Variants in FHIT observed in about 807,000 individuals in gnomAD.
The protein encoded by FHIT is bis(5'-adenosyl)-triphosphatase.
Under a neutral mutation model 17.9 loss-of-function variants are expected in FHIT, and 19 were observed. The observed-to-expected ratio is 1.06, with a 90% CI of 0.74 to 1.56. The LOEUF (loss-of-function observed/expected upper bound fraction) is 1.56. Among genes scored for constraint, FHIT ranks in the 40% most tolerant of loss-of-function variants. The probability of loss-of-function intolerance (pLI) is 0.00; values close to 1 mark genes in which losing one functional copy is unlikely to be tolerated. For synonymous variants in FHIT, 81 were observed against 69.7 expected (o/e 1.16, Z -0.81); for missense variants, 248 against 189.2 (o/e 1.31, Z -1.82).
chr3:59,793,260 C>T (rs1278880244), intron 8 of FHIT, among the ~76,000 whole-genome samples: 3 of 152,140 alleles, frequency 2.0e-5, no homozygotes, highest in Non-Finnish European at 4.4e-5. Context: ...TATTGTAGGT[C>T]ATTAAAAATG....
intron 3 of FHIT, among the ~76,000 whole-genome samples, chr3:60,984,334 T>C (rs1710623914): frequency 6.6e-6 from 1 of 152,248 alleles, no homozygotes; most frequent in South Asian, 2.1e-4. Flanking sequence ...ATGTTCTTCT[T>C]AAGCTTTGAC....
chr3:59,965,725 G>C (rs1377671776), intron 7 of FHIT, among the ~76,000 whole-genome samples: 2 of 152,130 alleles, frequency 1.3e-5, no homozygotes, highest in East Asian at 3.8e-4. Context: ...CCAATTTCTA[G>C]CCTACATGAT....
At chr3:60,873,993 T>C (rs2107084373) in intron 3 of FHIT, among the ~76,000 whole-genome samples, 1 of 152,252 alleles carries the variant, frequency 6.6e-6, no homozygotes, top group African/African-American at 2.4e-5. Context: ...TGGTATGTGT[T>C]AAAAATTGTC....
At chr3:60,960,767 C>A (rs570252732) in intron 3 of FHIT, among the ~76,000 whole-genome samples, 16 of 152,300 alleles carry the variant, frequency 1.1e-4, no homozygotes, top group East Asian at 3.9e-4. Flanking sequence ...TGAACTCATC[C>A]ATTTTTATGG....
At chr3:61,240,866 G>A (rs1305518519) in intron 1 of FHIT, among the ~76,000 whole-genome samples, 1 of 152,168 alleles carries the variant, frequency 6.6e-6, no homozygotes, top group Non-Finnish European at 1.5e-5. Flanking sequence ...AAAGGTTGGT[G>A]GCACAGGCCT....
chr3:60,553,648 A>G (rs1389345146), intron 4 of FHIT, among the ~76,000 whole-genome samples: 1 of 151,470 alleles, frequency 6.6e-6, no homozygotes, highest in African/African-American at 2.4e-5. Context: ...GACCTTGAGT[A>G]TTAAACATGG....
intron 5 of FHIT, among the ~76,000 whole-genome samples, chr3:60,406,675 T>TG (rs1369279959): frequency 1.2e-3 from 29 of 24,584 alleles, no homozygotes; most frequent in Admixed American, 8.5e-3. Context: ...AGAAGGATGG[T>TG]GGGGGGTGGT....
intron 3 of FHIT, among the ~76,000 whole-genome samples, chr3:60,988,592 C>T (rs1370509446): frequency 1.3e-5 from 2 of 152,160 alleles, no homozygotes; most frequent in South Asian, 2.1e-4. Context: ...TGAGAGCTGA[C>T]GAGCAGCACA....
chr3:60,168,279 T>C (rs2107391705), intron 5 of FHIT, among the ~76,000 whole-genome samples: 1 of 152,302 alleles, frequency 6.6e-6, no homozygotes, highest in Middle Eastern at 3.4e-3. Flanking sequence ...CTATGATTGT[T>C]AGGCCGATGT....
intron 4 of FHIT, among the ~76,000 whole-genome samples, chr3:60,743,648 T>C (rs2042283008): frequency 6.6e-6 from 1 of 152,204 alleles, no homozygotes; most frequent in Non-Finnish European, 1.5e-5. Context: ...ATGCCAAGCC[T>C]TCTAAGTCCC....
chr3:60,530,872 T>C (rs2035751837), intron 5 of FHIT, among the ~76,000 whole-genome samples: 2 of 152,216 alleles, frequency 1.3e-5, no homozygotes, highest in South Asian at 4.1e-4. Context: ...TCCAGTGCTA[T>C]CAGAAGCTGC....
At chr3:60,331,488 C>A (rs1022010927) in intron 5 of FHIT, among the ~76,000 whole-genome samples, 5 of 152,166 alleles carry the variant, frequency 3.3e-5, no homozygotes, top group African/African-American at 9.6e-5. Context: ...TCTAACTCTG[C>A]CCTCATGCCT....
At chr3:61,225,635 G>A (rs984430111) in intron 1 of FHIT, among the ~76,000 whole-genome samples, 3 of 152,220 alleles carry the variant, frequency 2.0e-5, no homozygotes, top group African/African-American at 4.8e-5. Flanking sequence ...ATGGTAAATG[G>A]AGGGTTATTG....
intron 5 of FHIT, among the ~76,000 whole-genome samples, chr3:60,319,653 C>G (rs1185899454): frequency 6.6e-6 from 1 of 152,142 alleles, no homozygotes; most frequent in Non-Finnish European, 1.5e-5. Flanking sequence ...GTGACCAGAA[C>G]AGCAAACAGC....
chr3:60,592,211 C>CCT (rs1339077927), intron 4 of FHIT, among the ~76,000 whole-genome samples: 5 of 144,030 alleles, frequency 3.5e-5, no homozygotes, highest in African/African-American at 1.0e-4. Flanking sequence ...CTATATGTAA[C>CCT]CTCTATATAT....
intron 4 of FHIT, among the ~76,000 whole-genome samples, chr3:60,796,437 T>A (rs1257718847): frequency 6.6e-6 from 1 of 152,226 alleles, no homozygotes; most frequent in African/African-American, 2.4e-5. Context: ...TGTTAAAGGC[T>A]GTATACATTT....
chr3:61,200,224 T>C (rs893293651), intron 2 of FHIT, among the ~76,000 whole-genome samples: 10 of 152,348 alleles, frequency 6.6e-5, no homozygotes, highest in South Asian at 2.1e-4. Context: ...TTCAACCCAA[T>C]TGAAATGCCA....
At chr3:60,377,501 G>T in intron 5 of FHIT, among the ~76,000 whole-genome samples, 1 of 89,426 alleles carries the variant, frequency 1.1e-5, no homozygotes, top group Non-Finnish European at 2.1e-5. Context: ...TTGAGACGGA[G>T]TCTCGCTCTG....
intron 4 of FHIT, among the ~76,000 whole-genome samples, chr3:60,741,870 C>T (rs546493383): frequency 1.3e-5 from 2 of 152,276 alleles, no homozygotes; most frequent in South Asian, 4.1e-4. Context: ...TAATATATGG[C>T]AATGTTTTCC....
Sources: allele counts gnomAD v4.1 joint callset (sites outside exome capture counted in the v4.1 genomes callset), GRCh38; gene constraint gnomAD v4.1.1; transcripts MANE v1.5; gene names NCBI Gene and HGNC (gene_info 2026-07-23, HGNC 2026-07-21).